The following RGS11 variants were observed in gnomAD, a reference collection of about 807,000 sequenced individuals.
RGS11 encodes the protein regulator of G-protein signaling 11.
Under a neutral mutation model 71.1 loss-of-function variants are expected in RGS11, and 86 were observed. The observed-to-expected ratio is 1.21, with a 90% CI of 1.02 to 1.45. The LOEUF (loss-of-function observed/expected upper bound fraction) is 1.45. Ranked by LOEUF, RGS11 falls within the 40% of genes most tolerant of loss-of-function variation. RGS11 has a pLI of 0.00. For synonymous variants in RGS11, 298 were observed against 254.2 expected (o/e 1.17, Z -1.64); for missense variants, 734 against 635.1 (o/e 1.16, Z -1.67).
intron 15 of RGS11, among the ~76,000 whole-genome samples, 195 bp downstream of exon 15, chr16:270,328 C>CCCAGCCT (rs1239644415): frequency 6.6e-6 from 1 of 152,248 alleles, no homozygotes; most frequent in Non-Finnish European, 1.5e-5. Context: ...TTCAGCCTGT[C>CCCAGCCT]TGAACCCGGA....
Position 270,526 on chromosome 16 carries a change from C to G in RGS11, c.1203G>C (p.Lys401Asn). The G allele has an allele frequency of 6.2e-7, 1 of 1,604,560 alleles. No individual in the cohort carries two copies. Among genetic ancestry groups the G allele is most frequent in the Non-Finnish European group, 8.5e-7 (1 of 1,175,614 alleles). The change falls in exon 15 of 17, where the codon AAG becomes AAC. Residue 401 changes from lysine (K) to asparagine (N), a missense_variant. Lys to Asn is a moderately conservative substitution (Grantham distance 94). Transcript: ENST00000397770. ...TGCAGGCTGGCCCAGCACCCACCTTCTTCATGAGCATGTATATGTGCAGCT... is the reference window on the plus strand; with the variant it reads ...TGCAGGCTGGCCCAGCACCCACCTTGTTCATGAGCATGTATATGTGCAGCT... ...DAQLHIYMLM[K>N]KDSYPRFLKS... is the part of the protein sequence containing the mutation.
At position 275,930 on chromosome 16, in the gene RGS11, G is replaced by T; in HGVS notation, c.-19C>A. On this transcript the variant is annotated 5_prime_UTR_variant, in exon 1 of 17. Transcript: ENST00000397770. ...CGGCCATGGCTGCGGGGCGAGGCCG[G>T]CGGGGATGACCGACGTCCCGCCCGG... 1.9e-6 allele frequency: 1 copy of T among 514,690 alleles called. No individual in the cohort carries two copies. Among genetic ancestry groups the T allele is most frequent in the Non-Finnish European group, 2.3e-6 (1 of 444,244 alleles). 31.9% of individuals were successfully genotyped at this position (514,690 alleles called of 1,614,324 possible). A position where few individuals can be genotyped will look rare whatever the true frequency, so the allele number is the denominator to read the frequency against.
chr16:274,302 G>A, intron 4 of RGS11, 37 bp from the exon 5 acceptor site: 1 of 1,587,928 alleles, frequency 6.3e-7, no homozygotes, highest in Non-Finnish European at 8.6e-7. Flanking sequence ...CAGGACGCCT[G>A]CGTCTGTGCC....
rs950874258 is a variant in RGS11 at position 272,545 on chromosome 16, G to T, written c.657+318C>A. On this transcript the variant is annotated intron_variant, in intron 9 of 16. Coordinates refer to ENST00000397770, the MANE Select transcript of RGS11 (RefSeq NM_183337.3). ...GAGGTCTGTCAGAGGCCGTAACCCT[G>T]CTTGTCACCCCTCCAATTCCCAGCA... 1.2e-4 allele frequency: 168 copies of T among 1,429,580 alleles called. 1 individual carries two copies. Among genetic ancestry groups the T allele is most frequent in the Non-Finnish European group, 1.5e-4 (167 of 1,080,148 alleles). The allele number at this position is 1,429,580 out of a possible 1,614,324, so 88.6% of individuals were successfully genotyped here. A position where few individuals can be genotyped will look rare whatever the true frequency, so the allele number is the denominator to read the frequency against.
intron 1 of RGS11, 159 bp from the exon 2 acceptor site, chr16:275,657 AGGGCCGGGG>A: frequency 1.9e-5 from 2 of 107,666 alleles, no homozygotes; most frequent in East Asian, 9.9e-5. Flanking sequence ...CGGGCCGGGG[AGGGCCGGGG>A]AGGGCCGGGG....
chr16:269,556 G>A lies in RGS11; in HGVS notation c.1236C>T (p.Asp412=). The A allele has an allele frequency of 1.9e-6, 3 of 1,613,420 alleles. No individual in the cohort carries two copies. The highest frequency in any genetic ancestry group is 2.5e-6 in the Non-Finnish European group (3 of 1,179,906). The part of the protein sequence containing the change: ...KDSYPRFLKS[D]MYKALLAEAG... ...CCTCTGCCAGGAGGGCCTTGTACATGTCAGACTTCAGGAACCTTGGGTAGG... is the reference window on the plus strand; with the variant it reads ...CCTCTGCCAGGAGGGCCTTGTACATATCAGACTTCAGGAACCTTGGGTAGG... The change falls in exon 16 of 17, where the codon GAC becomes GAT. Residue 412 remains aspartate (D), a synonymous_variant. Transcript: ENST00000397770.
chr16:272,598 C>T, intron 9 of RGS11: 1 of 1,451,130 alleles, frequency 6.9e-7, no homozygotes, highest in Non-Finnish European at 9.1e-7. Context: ...GGAGAAGAGC[C>T]CCCTTCCTCC....
chr16:273,399 T>A (rs2052020732), intron 8 of RGS11, 76 bp downstream of exon 8: 2 of 1,157,656 alleles, frequency 1.7e-6, no homozygotes, highest in African/African-American at 3.1e-5. Context: ...ATGGTGGTCC[T>A]GAGAGCGCCT....
rs2051773220 is a variant in RGS11, at chr16:268,518, A to C, written c.*751T>G. ...GATGGGGAGCAAGGCCAGCTCACGA[A>C]GGAAGACTTGGGCAGGGAGGATCAG... On this transcript the variant is annotated 3_prime_UTR_variant, in exon 17 of 17. Transcript: ENST00000397770. 1.8e-6 allele frequency: 1 copy of C among 558,222 alleles called. No individual in the cohort carries two copies. Among genetic ancestry groups the C allele is most frequent in the Admixed American group, 3.1e-5 (1 of 32,526 alleles). The allele number at this position is 558,222 out of a possible 1,614,324, so 34.6% of individuals were successfully genotyped here.
At chr16:272,635 C>A in intron 9 of RGS11, 2 of 1,446,618 alleles carry the variant, frequency 1.4e-6, no homozygotes, top group African/African-American at 1.4e-5. Context: ...CCCCACCACT[C>A]CACTTACCTG....
chr16:270,391 G>C (rs2051873904), intron 15 of RGS11, 132 bp downstream of exon 15: 1 of 1,124,958 alleles, frequency 8.9e-7, no homozygotes, highest in Admixed American at 2.7e-5. Flanking sequence ...GCCCCAACCA[G>C]GTGGGGAAGG....
Position 269,285 on chromosome 16 carries a change from C to T in RGS11, c.1388G>A (p.Gly463Glu). 6.4e-7 allele frequency: 1 copy of T among 1,574,654 alleles called. No individual in the cohort carries two copies. Among genetic ancestry groups the T allele is most frequent in the Non-Finnish European group, 8.6e-7 (1 of 1,161,418 alleles). ...CCAGGTCCACTAGGCCACCCCATCT[C>T]CACCCCCAGGGCCACAAGCCGCTGT... Reference protein sequence around the residue: ...EPTAACGPGGGDGVA With the variant: ...EPTAACGPGGEDGVA The change falls in exon 17 of 17, where the codon GGA becomes GAA. Residue 463 changes from glycine (G) to glutamate (E), a missense_variant. Transcript: ENST00000397770.
chr16:274,201 TC>T lies in RGS11; in HGVS notation c.370+12del, dbSNP rs1204936318. 6.2e-6 allele frequency: 10 copies of T among 1,607,768 alleles called. No individual in the cohort carries two copies. The highest frequency in any genetic ancestry group is 1.1e-5 in the South Asian group (1 of 89,850). ...CTGGGAACTTGTCTGGGGCCAGCCG[TC>T]CCCTTGCTCACCATAGTCCAGCTCT... On this transcript the variant is annotated intron_variant, in intron 5 of 16. Transcript: ENST00000397770.
At chr16:272,809 G>A in intron 9 of RGS11, 54 bp downstream of exon 9, 1 of 1,537,100 alleles carries the variant, frequency 6.5e-7, no homozygotes, top group East Asian at 2.4e-5. Context: ...CGTCCAGCAG[G>A]GTGCAGCCGG....
rs149964951 is a variant in RGS11, at chr16:270,792, C to G, written c.1019G>C (p.Arg340Pro). ...GGGGACCTGGGCCTGCGCTCCATAT[C>G]GAAGCTCCTCACATGCCTCCCAGAA... is the stretch of plus-strand genomic sequence containing the variant. ...LSFWEACEEL[R>P]YGAQAQVPTL... Residue 340 changes from arginine to proline, a missense_variant, in exon 14 of 17, where the codon CGA becomes CCA. Physicochemically the swap from Arg to Pro is moderately radical, Grantham distance 103. Transcript: ENST00000397770. 1 of 1,612,540 alleles carries G rather than the reference C, an allele frequency of 6.2e-7. No homozygotes were observed. The highest frequency in any genetic ancestry group is 1.1e-5 in the South Asian group (1 of 91,000).
Position 269,399 on chromosome 16 carries a change from C to A in RGS11, c.1290-16G>T, listed in dbSNP as rs916194. 1 of 1,592,356 alleles carries A rather than the reference C, an allele frequency of 6.3e-7. No homozygotes were observed. Among genetic ancestry groups the A allele is most frequent in the Non-Finnish European group, 8.6e-7 (1 of 1,167,700 alleles). ...CGGGAACACGCTGTGGGCGAGAAGGCGGCTGAGAACAGGCTGGCCAGCTGG... is the reference window on the plus strand; with the variant it reads ...CGGGAACACGCTGTGGGCGAGAAGGAGGCTGAGAACAGGCTGGCCAGCTGG... On this transcript the variant is annotated splice_polypyrimidine_tract_variant and intron_variant, in intron 16 of 16. Coordinates refer to ENST00000397770, the MANE Select transcript of RGS11 (RefSeq NM_183337.3).
Position 273,752 on chromosome 16 carries a change from G to T in RGS11, c.506+8C>A. 1 of 1,611,138 alleles carries T rather than the reference G, an allele frequency of 6.2e-7. No homozygotes were observed. The highest frequency in any genetic ancestry group is 1.1e-5 in the South Asian group (1 of 91,040). On this transcript the variant is annotated splice_region_variant and intron_variant, in intron 7 of 16. Transcript: ENST00000397770. The stretch of plus-strand genomic sequence containing the variant: ...CTGCAGGCGGGGCGGGGCAGGGCGG[G>T]GCCTCACCTCAGCTGCTCCCTCGCC...
In RGS11 at chr16:273,919, G is replaced by A; in HGVS notation, c.430-83C>T. 3.3e-6 allele frequency: 5 copies of A among 1,500,564 alleles called. No individual in the cohort carries two copies. In the East Asian group the frequency reaches 6.8e-5, roughly 20 times the overall value. The allele number at this position is 1,500,564 out of a possible 1,614,324, so 93.0% of individuals were successfully genotyped here. A position where few individuals can be genotyped will look rare whatever the true frequency, so the allele number is the denominator to read the frequency against. On this transcript the variant is annotated intron_variant, in intron 6 of 16. Coordinates refer to ENST00000397770, the MANE Select transcript of RGS11 (RefSeq NM_183337.3). ...GTGGGCAGTTGGGGGGTTGGGGACTGTCTTGGGTTTTGGGGCCTGGGCTGT... is the reference window on the plus strand; with the variant it reads ...GTGGGCAGTTGGGGGGTTGGGGACTATCTTGGGTTTTGGGGCCTGGGCTGT...
chr16:274,160 C>A, intron 5 of RGS11, 54 bp downstream of exon 5: 1 of 1,585,756 alleles, frequency 6.3e-7, no homozygotes. Flanking sequence ...ACGGCATCAC[C>A]CTGAGGCCCC....
Sources: gnomAD v4.1 joint callset for allele counts (sites outside exome capture counted in the v4.1 genomes callset) on GRCh38, gnomAD v4.1.1 for gene constraint, MANE v1.5 for transcripts, NCBI Gene and HGNC (gene_info 2026-07-23, HGNC 2026-07-21) for gene names.